Variants in EML1 observed in about 807,000 individuals in gnomAD.
The protein encoded by EML1 is EMAP like 1, also known as echinoderm microtubule-associated protein-like 1.
A neutral mutation model predicts 110.4 loss-of-function variants in EML1; 27 were observed. The ratio of observed to expected loss-of-function variants is 0.24; its 90% confidence interval spans 0.18 to 0.34. The LOEUF is 0.34. Among genes scored for constraint, EML1 ranks in the 10% least tolerant of loss-of-function variants. EML1 has a pLI of 1.00. For missense variants in EML1, 741 were observed against 1,030.9 expected (o/e 0.72, Z 3.85); for synonymous variants, 344 against 385.8 (o/e 0.89, Z 1.27).
intron 3 of EML1, among the ~76,000 whole-genome samples, chr14:99,877,794 G>A (rs1009721232): frequency 2.0e-5 from 3 of 152,096 alleles, no homozygotes; most frequent in Admixed American, 6.5e-5. Context: ...AGCCATCCCG[G>A]GCCATGCAGG....
intron 4 of EML1, among the ~76,000 whole-genome samples, chr14:99,882,218 C>T (rs931668545): frequency 1.3e-5 from 2 of 152,166 alleles, no homozygotes; most frequent in Non-Finnish European, 2.9e-5. Flanking sequence ...TTGGCAATAA[C>T]ATCGTGATGG....
At chr14:99,741,151 C>A (rs1351559283) in intron 1 of EML1, among the ~76,000 whole-genome samples, 1 of 152,204 alleles carries the variant, frequency 6.6e-6, no homozygotes, top group African/African-American at 2.4e-5. Context: ...CTTCTGTGAG[C>A]CTCTGTGACA....
At position 99,877,083 on chromosome 14, in the gene EML1, A is replaced by G. The variant is rs183042171; in HGVS notation, c.384-1402A>G. ...TGGGAAGCTTATAAACAGCAGAAATATATGTCTCACCATCCTGGAGGCTGG... is the reference window on the plus strand; with the variant it reads ...TGGGAAGCTTATAAACAGCAGAAATGTATGTCTCACCATCCTGGAGGCTGG... On this transcript the variant is annotated intron_variant, in intron 3 of 21. Coordinates refer to ENST00000262233, the MANE Select transcript of EML1 (RefSeq NM_004434.3). Among the ~76,000 whole-genome samples, 36 of 152,226 alleles carry G rather than the reference A, an allele frequency of 2.4e-4. No homozygotes were observed. In the East Asian group the frequency reaches 6.8e-3, roughly 29 times the overall value.
chr14:99,752,866 T>A (rs548700271), intron 1 of EML1, among the ~76,000 whole-genome samples: 11 of 152,286 alleles, frequency 7.2e-5, no homozygotes, highest in South Asian at 2.1e-4. Flanking sequence ...GGTTTTTTTT[T>A]AATGATGAAA....
intron 1 of EML1, chr14:99,850,190 C>T (rs772707918): frequency 3.2e-5 from 28 of 871,974 alleles, no homozygotes; most frequent in Non-Finnish European, 4.4e-5. Context: ...CTGCCTACCT[C>T]AGCCTCCCAA....
At chr14:99,858,445 A>G (rs1444618088) in intron 2 of EML1, among the ~76,000 whole-genome samples, 1 of 151,996 alleles carries the variant, frequency 6.6e-6, no homozygotes, top group Non-Finnish European at 1.5e-5. Flanking sequence ...TCGGCCTCCC[A>G]AAGTGCTAGG....
intron 1 of EML1, among the ~76,000 whole-genome samples, chr14:99,808,987 T>C (rs188366536): frequency 6.6e-6 from 1 of 152,314 alleles, no homozygotes; most frequent in African/African-American, 2.4e-5. Flanking sequence ...GCCAAATAGT[T>C]CAGTGAGGAC....
chr14:99,755,289 C>T (rs540643376), intron 1 of EML1, among the ~76,000 whole-genome samples: 46 of 152,324 alleles, frequency 3.0e-4, no homozygotes, highest in African/African-American at 8.9e-4. Flanking sequence ...GGCCTGGAGG[C>T]CCCGGGGAGC....
chr14:99,866,196 A>G (rs1447820996), intron 3 of EML1, among the ~76,000 whole-genome samples: 1 of 152,226 alleles, frequency 6.6e-6, no homozygotes, highest in Non-Finnish European at 1.5e-5. Context: ...TAATCCCAGC[A>G]CTTTGGGAGG....
chr14:99,914,050 G>A (rs1373887997), intron 13 of EML1, 129 bp from the exon 14 acceptor site: 35 of 1,108,430 alleles, frequency 3.2e-5, no homozygotes, highest in Non-Finnish European at 4.2e-5. Context: ...ATATTTGAAC[G>A]TACATTATAT....
intron 1 of EML1, chr14:99,809,307 A>G (rs905481289): frequency 1.3e-4 from 21 of 158,464 alleles, no homozygotes; most frequent in African/African-American, 4.8e-4. Flanking sequence ...TTCAGGCCAC[A>G]TTGTAGGTAA....
intron 1 of EML1, among the ~76,000 whole-genome samples, chr14:99,823,540 T>G (rs2058300091): frequency 6.6e-6 from 1 of 152,084 alleles, no homozygotes; most frequent in Non-Finnish European, 1.5e-5. Context: ...TAGAAACAAA[T>G]GAACCAATGT....
At chr14:99,878,971 CT>C (rs533214786) in intron 4 of EML1, among the ~76,000 whole-genome samples, 201 of 152,280 alleles carry the variant, frequency 1.3e-3, no homozygotes, top group Admixed American at 2.2e-3. Context: ...CTCTCCTGAC[CT>C]TTTTAAGTTC....
intron 1 of EML1, among the ~76,000 whole-genome samples, chr14:99,830,214 T>C (rs2058426304): frequency 6.6e-6 from 1 of 152,244 alleles, no homozygotes. Context: ...TAGCTCATTA[T>C]GGCTTTAATT....
chr14:99,770,799 T>TC (rs2057418962), upstream of EML1, among the ~76,000 whole-genome samples: 1 of 138,824 alleles, frequency 7.2e-6, no homozygotes, highest in African/African-American at 2.9e-5. Flanking sequence ...TTTTTTTTTT[T>TC]TTTGAGACGG....
intron 3 of EML1, among the ~76,000 whole-genome samples, chr14:99,866,286 G>C (rs1327257621): frequency 1.3e-5 from 2 of 151,796 alleles, no homozygotes; most frequent in Non-Finnish European, 2.9e-5. Flanking sequence ...GTTCAGTAGT[G>C]CTGGCCGGGC....
At chr14:99,937,155 C>T (rs962639772) in intron 19 of EML1, among the ~76,000 whole-genome samples, 1 of 152,228 alleles carries the variant, frequency 6.6e-6, no homozygotes, top group African/African-American at 2.4e-5. Context: ...AGGACCAGGA[C>T]AGGCAGGACC....
At position 99,898,317 on chromosome 14, in the gene EML1, CT is replaced by C; in HGVS notation, c.897+19del. 6.2e-7 allele frequency: 1 copy of C among 1,606,542 alleles called. No individual in the cohort carries two copies. Among genetic ancestry groups the C allele is most frequent in the Non-Finnish European group, 8.5e-7 (1 of 1,175,966 alleles). On this transcript the variant is annotated intron_variant, in intron 8 of 21. Transcript: ENST00000262233. ...AGGATGGAAAAGTGAGTTACGTTACCTTTTCATTGTTTCATAATGAACTGGT... is the reference window on the plus strand; with the variant it reads ...AGGATGGAAAAGTGAGTTACGTTACCTTTCATTGTTTCATAATGAACTGGT...
At position 99,783,000 on chromosome 14, in the gene EML1, A is replaced by T. The variant is rs543313191; in HGVS notation, c.-27+8987A>T. Among the ~76,000 whole-genome samples the T allele has an allele frequency of 1.5e-3, 232 of 151,802 alleles. 1 individual carries two copies. Among genetic ancestry groups the T allele is most frequent in the Non-Finnish European group, 1.9e-3 (132 of 67,902 alleles). ...CTCTAAATCGTTTATATATATATAT[A>T]TTTTTATTATACTTTAAGTTCTAGG... On this transcript the variant is annotated intron_variant, in intron 1 of 22. Transcript: ENST00000327921.
Sources: gnomAD v4.1 joint callset for allele counts (sites outside exome capture counted in the v4.1 genomes callset) on GRCh38, gnomAD v4.1.1 for gene constraint, MANE v1.5 for transcripts, NCBI Gene and HGNC (gene_info 2026-07-23, HGNC 2026-07-21) for gene names.